ASPRV1: variants seen among roughly 807,000 people sequenced by gnomAD.
ASPRV1 encodes the protein aspartic peptidase retroviral like 1.
In ASPRV1, 7 loss-of-function variants were observed where a neutral mutation model predicts 11.0. The ratio of observed to expected loss-of-function variants is 0.64; its 90% CI spans 0.36 to 1.20. The LOEUF is 1.20. Ranked by LOEUF, ASPRV1 falls within the 50% of genes most tolerant of loss-of-function variation. ASPRV1 has a pLI of 0.02. For synonymous variants in ASPRV1, 136 were observed against 138.4 expected (o/e 0.98, Z 0.12); for missense variants, 299 against 320.0 (o/e 0.93, Z 0.50).
At chr2:70,022,486 G>C in the ASPRV1 span, among the ~76,000 whole-genome samples, 1 of 151,806 alleles carries the variant, frequency 6.6e-6, no homozygotes, top group Admixed American at 6.6e-5. Flanking sequence ...GGGATATTGA[G>C]ACCAGCCTGG....
the ASPRV1 span, among the ~76,000 whole-genome samples, chr2:70,003,801 A>T: frequency 6.6e-6 from 1 of 152,204 alleles, no homozygotes; most frequent in South Asian, 2.1e-4. Flanking sequence ...CTGAGAAGTG[A>T]TCAGGCCATG....
the ASPRV1 span, among the ~76,000 whole-genome samples, chr2:70,080,613 C>T: frequency 7.9e-5 from 12 of 152,262 alleles, no homozygotes; most frequent in African/African-American, 2.2e-4. Context: ...TCCTTAGAAT[C>T]TCTGGACAGG....
At chr2:69,998,988 G>A in the ASPRV1 span, among the ~76,000 whole-genome samples, 1 of 152,242 alleles carries the variant, frequency 6.6e-6, no homozygotes, top group Non-Finnish European at 1.5e-5. Context: ...CCACAGGACT[G>A]TCTCTGGGCC....
the ASPRV1 span, among the ~76,000 whole-genome samples, chr2:69,990,642 A>C: frequency 2.0e-5 from 3 of 151,936 alleles, no homozygotes; most frequent in African/African-American, 7.3e-5. Context: ...TTTTGTGGAG[A>C]TGAGGTCTTA....
the ASPRV1 span, among the ~76,000 whole-genome samples, chr2:69,999,288 T>TA: frequency 7.8e-3 from 1,122 of 144,120 alleles, 13 homozygotes; most frequent in African/African-American, 0.026. Flanking sequence ...AGATTCAAAT[T>TA]AAAAAAAAAA....
the ASPRV1 span, among the ~76,000 whole-genome samples, chr2:70,036,634 GTTAC>G: frequency 6.6e-6 from 1 of 152,116 alleles, no homozygotes; most frequent in African/African-American, 2.4e-5. Context: ...ACAGGATTCT[GTTAC>G]TTAAGTCACT....
chr2:70,066,098 C>T, the ASPRV1 span, among the ~76,000 whole-genome samples: 1 of 151,058 alleles, frequency 6.6e-6, no homozygotes, highest in Non-Finnish European at 1.5e-5. Flanking sequence ...AATCCCAGCA[C>T]TTTGGGAGGC....
chr2:70,016,171 C>T, the ASPRV1 span: 1 of 152,134 alleles, frequency 6.6e-6, no homozygotes, highest in Admixed American at 6.6e-5. Flanking sequence ...GGCCACAAAA[C>T]GAGTCTTAAT....
chr2:70,072,773 A>G, the ASPRV1 span, among the ~76,000 whole-genome samples: 1 of 148,724 alleles, frequency 6.7e-6, no homozygotes, highest in Non-Finnish European at 1.5e-5. Context: ...AATTTTTTGC[A>G]GGGCATGGTG....
At chr2:69,995,443 G>A in the ASPRV1 span, 1 of 152,002 alleles carries the variant, frequency 6.6e-6, no homozygotes, top group African/African-American at 2.4e-5. Context: ...ACATTGAGGT[G>A]TGTCCTGCTT....
At chr2:70,036,475 TTATAGAA>T in the ASPRV1 span, among the ~76,000 whole-genome samples, 1 of 152,024 alleles carries the variant, frequency 6.6e-6, no homozygotes, top group Non-Finnish European at 1.5e-5. Flanking sequence ...TAAAGACACT[TTATAGAA>T]TAAGTGCTGA....
At chr2:70,078,250 T>C in the ASPRV1 span, among the ~76,000 whole-genome samples, 2 of 152,114 alleles carry the variant, frequency 1.3e-5, no homozygotes, top group East Asian at 3.8e-4. Flanking sequence ...CAAAACAAAG[T>C]CCTAACCATC....
At chr2:69,999,262 G>A in the ASPRV1 span, among the ~76,000 whole-genome samples, 1 of 151,694 alleles carries the variant, frequency 6.6e-6, no homozygotes, top group Non-Finnish European at 1.5e-5. Flanking sequence ...GCACACCACT[G>A]TGCCCAGCTA....
At chr2:70,072,494 G>A in the ASPRV1 span, among the ~76,000 whole-genome samples, 8 of 150,162 alleles carry the variant, frequency 5.3e-5, no homozygotes, top group East Asian at 2.0e-4. Context: ...AGGCCGAGGC[G>A]GGAGGATCAC....
chr2:70,062,661 T>C, the ASPRV1 span, among the ~76,000 whole-genome samples: 1 of 152,160 alleles, frequency 6.6e-6, no homozygotes, highest in Non-Finnish European at 1.5e-5. Flanking sequence ...AGTGTGATGG[T>C]GCACACCTAT....
At chr2:69,991,651 G>A in the ASPRV1 span, among the ~76,000 whole-genome samples, 1,400 of 152,074 alleles carry the variant, frequency 9.2e-3, 25 homozygotes, top group African/African-American at 0.033. Flanking sequence ...GGGTTCAAGC[G>A]ATTCTCCTGC....
the ASPRV1 span, among the ~76,000 whole-genome samples, chr2:69,994,439 G>A: frequency 6.6e-6 from 1 of 152,206 alleles, no homozygotes; most frequent in African/African-American, 2.4e-5. Flanking sequence ...CTGGGAAAGA[G>A]CAGAGCCCCT....
chr2:69,956,693 C>T (rs1225971026), downstream of ASPRV1, among the ~76,000 whole-genome samples: 1 of 152,012 alleles, frequency 6.6e-6, no homozygotes, highest in African/African-American at 2.4e-5. Flanking sequence ...AGAGTGTCTC[C>T]CCACAAGACA....
chr2:70,030,137 G>C, the ASPRV1 span: 1 of 152,200 alleles, frequency 6.6e-6, no homozygotes, highest in Non-Finnish European at 1.5e-5. Context: ...GCCTTTGGTA[G>C]TTTCACTGAC....
Sources: allele counts gnomAD v4.1 joint callset (sites outside exome capture counted in the v4.1 genomes callset), GRCh38; gene constraint gnomAD v4.1.1; transcripts MANE v1.5; gene names NCBI Gene and HGNC (gene_info 2026-07-23, HGNC 2026-07-21).